The following PRKAG1 variants were observed in gnomAD, a reference collection of about 807,000 sequenced individuals.
The protein encoded by PRKAG1 is protein kinase AMP-activated non-catalytic subunit gamma 1.
In PRKAG1, 27 loss-of-function variants were observed where a neutral mutation model predicts 48.2. That is an observed-to-expected ratio of 0.56 (90% CI 0.41 to 0.77). The LOEUF (loss-of-function observed/expected upper bound fraction) is 0.77, where lower values mean the gene tolerates loss of function less well. Among genes scored for constraint, PRKAG1 ranks in the 30% least tolerant of loss-of-function variants. PRKAG1 has a pLI of 0.00. For synonymous variants in PRKAG1, 130 were observed against 147.7 expected (o/e 0.88, Z 0.87); for missense variants, 287 against 398.3 (o/e 0.72, Z 2.38).
rs67579566 is a variant in PRKAG1 at position 49,003,508 on chromosome 12, G to GCC, written c.741+48_741+49dup. 1.5e-3 allele frequency: 2,026 copies of GCC among 1,370,304 alleles called. 1 individual carries two copies. The highest frequency in any genetic ancestry group is 1.4e-3 in the Non-Finnish European group (1,393 of 998,114). 84.9% of individuals were successfully genotyped at this position (1,370,304 alleles called of 1,614,324 possible). The stretch of plus-strand genomic sequence containing the variant: ...CTTCTCCCTCTCCATATTTAACAGT[G>GCC]CCCCCCCCCCACCACTTCCCTACCT... On this transcript the variant is annotated intron_variant, in intron 10 of 11. Transcript: ENST00000548065.
chr12:49,011,468 C>A (rs1036236092), intron 2 of PRKAG1, among the ~76,000 whole-genome samples: 2 of 152,080 alleles, frequency 1.3e-5, no homozygotes, highest in African/African-American at 2.4e-5. Flanking sequence ...CTGCCTTGGC[C>A]TCTCAAAGTG....
chr12:49,013,698 G>A (rs759117809), intron 1 of PRKAG1, among the ~76,000 whole-genome samples: 1 of 152,134 alleles, frequency 6.6e-6, no homozygotes, highest in South Asian at 2.1e-4. Context: ...GGTGGAGTAG[G>A]CATTCAAACA....
intron 1 of PRKAG1, 159 bp downstream of exon 1, chr12:49,018,573 G>C: frequency 6.7e-7 from 1 of 1,485,152 alleles, no homozygotes; most frequent in Non-Finnish European, 8.9e-7. Context: ...GCCCAACGAA[G>C]AAGCGGAGGA....
At chr12:49,006,007 A>G in intron 2 of PRKAG1, 155 bp from the exon 3 acceptor site, 1 of 595,552 alleles carries the variant, frequency 1.7e-6, no homozygotes, top group Non-Finnish European at 2.8e-6. Context: ...TATTGTTTCC[A>G]CAAAACCTGG....
At position 49,005,024 on chromosome 12, in the gene PRKAG1, G is replaced by A. The variant is rs1480029718; in HGVS notation, c.356-6C>T. On this transcript the variant is annotated splice_polypyrimidine_tract_variant and splice_region_variant and intron_variant, in intron 6 of 11. Transcript: ENST00000548065. This position sits in a 1 kb window ranked among gnomAD's most constrained non-coding sequence, Gnocchi z 4.1. Reference sequence around the variant, plus strand: ...GGAGTCCTGGAGATACACCTCTGAAGGGAAAAGGGATGGGTCACAAAATAC... The same window carrying A: ...GGAGTCCTGGAGATACACCTCTGAAAGGAAAAGGGATGGGTCACAAAATAC... 1.2e-6 allele frequency: 2 copies of A among 1,613,816 alleles called. No individual in the cohort carries two copies. The highest frequency in any genetic ancestry group is 2.7e-5 in the African/African-American group (2 of 74,878).
chr12:49,012,824 G>A, intron 2 of PRKAG1: 3 of 502,436 alleles, frequency 6.0e-6, no homozygotes, highest in Non-Finnish European at 1.1e-5. Flanking sequence ...AGTTTTGCCT[G>A]TACCTCAGAT....
At chr12:49,012,286 T>C (rs564929697) in intron 2 of PRKAG1, among the ~76,000 whole-genome samples, 12 of 152,382 alleles carry the variant, frequency 7.9e-5, no homozygotes, top group African/African-American at 1.9e-4. Flanking sequence ...CTGGCCAGCA[T>C]TGGAACTGTC....
chr12:49,003,920 G>T lies in PRKAG1; in HGVS notation c.540C>A (p.Ile180=), dbSNP rs1941407752. The change falls in exon 9 of 12, where the codon ATC becomes ATA. Residue 180 remains isoleucine (I), a splice_region_variant and synonymous_variant. Transcript: ENST00000548065. ...KRILKFLKLF[I]TEFPKPEFMS... ...TGAACTCTGGCTTGGGGAACTCAGTGATCTGAGGAAAGAACCATCAGCTTA... is the reference window on the plus strand; with the variant it reads ...TGAACTCTGGCTTGGGGAACTCAGTTATCTGAGGAAAGAACCATCAGCTTA... The T allele has an allele frequency of 1.3e-6, 2 of 1,594,854 alleles. No individual in the cohort carries two copies. Among genetic ancestry groups the T allele is most frequent in the Admixed American group, 1.7e-5 (1 of 57,812 alleles).
chr12:49,015,588 G>A (rs947372625), intron 1 of PRKAG1, among the ~76,000 whole-genome samples: 3 of 151,626 alleles, frequency 2.0e-5, no homozygotes, highest in African/African-American at 4.8e-5. Context: ...TTTTTTGGGC[G>A]GGTGGGCAGA....
At chr12:49,017,549 G>A (rs1942043131) in intron 1 of PRKAG1, 3 of 221,462 alleles carry the variant, frequency 1.4e-5, no homozygotes, top group Non-Finnish European at 2.8e-5. Flanking sequence ...CTACCCCAGA[G>A]CCTAATCCAG....
chr12:49,007,026 C>G (rs1386846650), intron 2 of PRKAG1, among the ~76,000 whole-genome samples: 1 of 150,480 alleles, frequency 6.6e-6, no homozygotes, highest in African/African-American at 2.5e-5. Context: ...TGGCTCACAC[C>G]TGTAACCCAG....
rs1457017225 is a variant in PRKAG1, at chr12:49,002,702, T to C, written c.*197A>G. ...TAGGCTGAAAGTTTTTTCAAGTGTA[T>C]GTGTGAGGGTAAGGGTAGCTATAAA... is the stretch of plus-strand genomic sequence containing the variant. On this transcript the variant is annotated 3_prime_UTR_variant, in exon 12 of 12. Coordinates refer to ENST00000548065, the MANE Select transcript of PRKAG1 (RefSeq NM_002733.5). 8.7e-6 allele frequency: 6 copies of C among 687,136 alleles called. No homozygotes were observed. Among genetic ancestry groups the C allele is most frequent in the Middle Eastern group, 3.8e-4 (1 of 2,650 alleles). The allele number at this position is 687,136 out of a possible 1,614,324, so 42.6% of individuals were successfully genotyped here.
rs1941507309 is a variant in PRKAG1, at chr12:49,005,659, G to GGATATTACCCTTAGGAT, written c.168+67_168+83dup. ...TGAGACTAACTTCACAGAAGGATAAGGATATTACCCTTAGGATGAGATAGG... is the reference window on the plus strand; with the variant it reads ...TGAGACTAACTTCACAGAAGGATAAGGATATTACCCTTAGGATGATATTACCCTTAGGATGAGATAGG... On this transcript the variant is annotated intron_variant, in intron 3 of 11. Coordinates refer to ENST00000548065, the MANE Select transcript of PRKAG1 (RefSeq NM_002733.5). This position sits in a 1 kb window ranked among gnomAD's most constrained non-coding sequence, Gnocchi z 4.1. The GGATATTACCCTTAGGAT allele has an allele frequency of 1.2e-6, 2 of 1,607,500 alleles. No individual in the cohort carries two copies. The highest frequency in any genetic ancestry group is 1.7e-6 in the Non-Finnish European group (2 of 1,174,612).
At chr12:49,013,848 T>C (rs191262158) in intron 1 of PRKAG1, among the ~76,000 whole-genome samples, 5 of 152,246 alleles carry the variant, frequency 3.3e-5, no homozygotes, top group Admixed American at 6.5e-5. Context: ...AAGAGTTTGG[T>C]TGGGTTTATC....
At chr12:49,016,934 A>G in intron 1 of PRKAG1, 3 of 338,928 alleles carry the variant, frequency 8.9e-6, no homozygotes, top group South Asian at 6.8e-5. Context: ...CTGTGACCAA[A>G]ATCCAAAGCC....
chr12:49,006,722 A>G (rs10875908), intron 2 of PRKAG1, among the ~76,000 whole-genome samples: 2 of 151,350 alleles, frequency 1.3e-5, no homozygotes, highest in Non-Finnish European at 3.0e-5. Context: ...GTAATCCCAG[A>G]ACTTTGGGAG....
chr12:49,004,892 T>C, intron 7 of PRKAG1, 72 bp downstream of exon 7: 1 of 1,493,046 alleles, frequency 6.7e-7, no homozygotes, highest in Non-Finnish European at 9.3e-7. Context: ...TTTCCCTGGG[T>C]GTCTAGGGCA....
intron 1 of PRKAG1, chr12:49,017,456 C>G (rs1942036840): frequency 6.4e-6 from 2 of 310,990 alleles, no homozygotes; most frequent in Admixed American, 9.6e-5. Context: ...AAGCAATCCA[C>G]TTGCCTTGGC....
At position 49,003,549 on chromosome 12, in the gene PRKAG1, A is replaced by G. The variant is rs765615399; in HGVS notation, c.741+9T>C. ...TTCCCTACCTCCCAGACCCTCCACA[A>G]TCACTCACGATAACATCAAACTTGG... On this transcript the variant is annotated intron_variant, in intron 10 of 11. Transcript: ENST00000548065. 1 of 1,597,208 alleles carries G rather than the reference A, an allele frequency of 6.3e-7. No individual in the cohort carries two copies. The highest frequency in any genetic ancestry group is 2.3e-5 in the East Asian group (1 of 43,648).
Sources: gnomAD v4.1 joint callset for allele counts (sites outside exome capture counted in the v4.1 genomes callset) on GRCh38, gnomAD v4.1.1 for gene constraint, Gnocchi (gnomAD v3.1) non-coding constraint, MANE v1.5 for transcripts, NCBI Gene and HGNC (gene_info 2026-07-23, HGNC 2026-07-21) for gene names.